EVI5: variants seen among roughly 807,000 people sequenced by gnomAD.
The protein encoded by EVI5 is ecotropic viral integration site 5 protein homolog.
Under a neutral mutation model 112.0 loss-of-function variants are expected in EVI5, and 73 were observed. The observed-to-expected ratio is 0.65, with a 90% CI of 0.54 to 0.79. The LOEUF is 0.79. EVI5 is among the 30% of genes least tolerant of loss of function. The probability of loss-of-function intolerance (pLI) is 0.00; values close to 1 mark genes in which losing one functional copy is unlikely to be tolerated. For missense variants in EVI5, 900 were observed against 968.8 expected, an observed-to-expected ratio of 0.93 and a Z score of 0.94; for synonymous variants, 305 against 319.9, an observed-to-expected ratio of 0.95 and a Z score of 0.50.
At chr1:92,761,326 T>C (rs145625701) in intron 1 of EVI5, among the ~76,000 whole-genome samples, 289 of 152,286 alleles carry the variant, frequency 1.9e-3, no homozygotes, top group African/African-American at 6.5e-3. Context: ...TGCAGACTTA[T>C]AGCACGATTT....
At chr1:92,734,945 T>C (rs540104116) in intron 2 of EVI5, among the ~76,000 whole-genome samples, 1 of 152,166 alleles carries the variant, frequency 6.6e-6, no homozygotes, top group South Asian at 2.1e-4. Context: ...TAATACCTAA[T>C]AAAATGGCTT....
intron 2 of EVI5, among the ~76,000 whole-genome samples, chr1:92,717,828 C>G (rs1035384220): frequency 6.7e-6 from 1 of 149,478 alleles, no homozygotes; most frequent in Admixed American, 6.7e-5. Flanking sequence ...CACATAGGCT[C>G]AAAATAAAGG....
chr1:92,689,489 A>C (rs777596572), intron 9 of EVI5, among the ~76,000 whole-genome samples: 1 of 152,096 alleles, frequency 6.6e-6, no homozygotes, highest in African/African-American at 2.4e-5. Context: ...TGGCTTCTTG[A>C]GTAGCTGGGA....
chr1:92,642,486 T>G (rs959014722), intron 13 of EVI5, among the ~76,000 whole-genome samples: 1 of 152,220 alleles, frequency 6.6e-6, no homozygotes, highest in African/African-American at 2.4e-5. Context: ...CTTGGATTTT[T>G]AGAGAGACCT....
chr1:92,562,862 T>C (rs187320527), intron 19 of EVI5, among the ~76,000 whole-genome samples: 328 of 152,312 alleles, frequency 2.2e-3, no homozygotes, highest in African/African-American at 7.4e-3. Context: ...TTTCTCTTTC[T>C]TCTTCTTTTT....
At chr1:92,760,983 G>T (rs1463254824) in intron 1 of EVI5, among the ~76,000 whole-genome samples, 9 of 149,258 alleles carry the variant, frequency 6.0e-5, no homozygotes, top group African/African-American at 2.2e-4. Flanking sequence ...GCATGAACCC[G>T]GGAGGCGGAG....
At chr1:92,531,921 C>G (rs914299661) in intron 19 of EVI5, among the ~76,000 whole-genome samples, 2 of 152,148 alleles carry the variant, frequency 1.3e-5, no homozygotes, top group Admixed American at 6.5e-5. Context: ...ATGGCAGGAT[C>G]AAATTCACAC....
intron 5 of EVI5, among the ~76,000 whole-genome samples, chr1:92,699,685 G>C (rs527815358): frequency 6.6e-6 from 1 of 152,238 alleles, no homozygotes; most frequent in East Asian, 1.9e-4. Flanking sequence ...CTACAAACCT[G>C]TATAGTATGT....
At chr1:92,541,588 A>T (rs1664808456) in intron 19 of EVI5, among the ~76,000 whole-genome samples, 1 of 152,242 alleles carries the variant, frequency 6.6e-6, no homozygotes, top group East Asian at 1.9e-4. Context: ...CAGTTACCAT[A>T]TGACCCAGTA....
intron 16 of EVI5, among the ~76,000 whole-genome samples, chr1:92,623,747 G>GTAGGAGAGCCGTTACTGGCATC (rs1553210019): frequency 6.6e-6 from 1 of 152,210 alleles, no homozygotes; most frequent in Non-Finnish European, 1.5e-5. Flanking sequence ...GCAACCTGAG[G>GTAGGAGAGCCGTTACTGGCATC]TAGGAGAGCC....
At chr1:92,730,583 GA>G (rs1425739805) in intron 2 of EVI5, among the ~76,000 whole-genome samples, 3 of 151,154 alleles carry the variant, frequency 2.0e-5, no homozygotes, top group Admixed American at 6.6e-5. Flanking sequence ...TCAGGAGGCT[GA>G]GGTGGAAGGA....
chr1:92,738,230 G>A (rs1558177768), intron 1 of EVI5, among the ~76,000 whole-genome samples: 1 of 152,156 alleles, frequency 6.6e-6, no homozygotes, highest in Non-Finnish European at 1.5e-5. Flanking sequence ...ATAGCCTACT[G>A]TGTGATTTGT....
intron 13 of EVI5, among the ~76,000 whole-genome samples, chr1:92,636,610 C>A (rs1456513206): frequency 6.6e-6 from 1 of 152,182 alleles, no homozygotes; most frequent in African/African-American, 2.4e-5. Flanking sequence ...ATAAACATCT[C>A]CTTTTATCTG....
chr1:92,712,417 C>T (rs537333788), intron 2 of EVI5, among the ~76,000 whole-genome samples: 2 of 151,924 alleles, frequency 1.3e-5, no homozygotes, highest in Admixed American at 1.3e-4. Context: ...TGATCAGAAA[C>T]TAATAGTATG....
intron 19 of EVI5, among the ~76,000 whole-genome samples, chr1:92,546,927 T>G (rs987668023): frequency 2.0e-5 from 3 of 152,186 alleles, no homozygotes; most frequent in Non-Finnish European, 4.4e-5. Flanking sequence ...CTGTCAACAT[T>G]AGACAGATTA....
chr1:92,632,035 T>C (rs1443428443), intron 14 of EVI5, among the ~76,000 whole-genome samples: 1 of 64,236 alleles, frequency 1.6e-5, no homozygotes, highest in African/African-American at 6.8e-5. Flanking sequence ...GAAGCCCACT[T>C]GATCATGGTG....
intron 1 of EVI5, among the ~76,000 whole-genome samples, chr1:92,737,612 GTA>G (rs1677651445): frequency 8.9e-6 from 1 of 111,844 alleles, no homozygotes; most frequent in African/African-American, 3.0e-5. Context: ...ATGAACATAT[GTA>G]CACACACAAA....
chr1:92,669,343 T>A (rs1665449693), intron 10 of EVI5, among the ~76,000 whole-genome samples: 1 of 151,824 alleles, frequency 6.6e-6, no homozygotes, highest in South Asian at 2.1e-4. Flanking sequence ...AGGCCAGAAG[T>A]TCGAGACCAG....
chr1:92,675,914 C>G (rs1572235892), intron 10 of EVI5, among the ~76,000 whole-genome samples: 1 of 149,582 alleles, frequency 6.7e-6, no homozygotes, highest in African/African-American at 2.5e-5. Context: ...CAAGATCGCA[C>G]CACTGCACTC....
Sources: gnomAD v4.1 joint callset for allele counts (sites outside exome capture counted in the v4.1 genomes callset) on GRCh38, gnomAD v4.1.1 for gene constraint, MANE v1.5 for transcripts, NCBI Gene and HGNC (gene_info 2026-07-23, HGNC 2026-07-21) for gene names.